The following UBE2O variants were observed in gnomAD, a reference collection of about 807,000 sequenced individuals.
UBE2O encodes the protein (E3-independent) E2 ubiquitin-conjugating enzyme.
Under a neutral mutation model 125.8 loss-of-function variants are expected in UBE2O, and 15 were observed. The ratio of observed to expected loss-of-function variants is 0.12; its 90% CI spans 0.08 to 0.18. The LOEUF is 0.18. Ranked by LOEUF, UBE2O falls within the 10% of genes least tolerant of loss-of-function variation. UBE2O has a pLI of 1.00. For missense variants in UBE2O, 1,280 were observed against 1,723.6 expected, an observed-to-expected ratio of 0.74 and a Z score of 4.56; for synonymous variants, 708 against 703.2, an observed-to-expected ratio of 1.01 and a Z score of -0.11.
At position 76,398,130 on chromosome 17, in the gene UBE2O, G is replaced by A; in HGVS notation, c.2025+125C>T. On this transcript the variant is annotated intron_variant, in intron 12 of 17. Coordinates refer to ENST00000319380, the MANE Select transcript of UBE2O (RefSeq NM_022066.4). The surrounding 1 kb of genome is among the most constrained non-coding windows in gnomAD (Gnocchi z 5.4). ...TTGACTCTGGGGCAGCTGCCCTTCT[G>A]AGGACACTGAGCCCAGAGGACTTTC... is the stretch of plus-strand genomic sequence containing the variant. The A allele has an allele frequency of 1.5e-6, 2 of 1,351,334 alleles. No homozygotes were observed. Among genetic ancestry groups the A allele is most frequent in the Non-Finnish European group, 1.0e-6 (1 of 968,206 alleles). The allele number at this position is 1,351,334 out of a possible 1,614,324, so 83.7% of individuals were successfully genotyped here.
chr17:76,408,848 A>C (rs1271762479), intron 1 of UBE2O, among the ~76,000 whole-genome samples: 2 of 152,190 alleles, frequency 1.3e-5, no homozygotes, highest in African/African-American at 4.8e-5. Context: ...CCCTGCTTGT[A>C]GTTTAAAAAA....
Position 76,391,390 on chromosome 17 carries a change from G to C in UBE2O, c.3432C>G (p.Ser1144=), listed in dbSNP as rs2143658461. ...GGWRLVNRIE[S]WLETHALLEK... is the part of the protein sequence containing the mutation. The stretch of plus-strand genomic sequence containing the variant: ...CCAGCAGGGCATGGGTTTCCAGCCA[G>C]GACTCGATACGGTTCACCAGCCGCC... The change falls in exon 18 of 18, where the codon TCC becomes TCG. Residue 1144 remains serine (S), a synonymous_variant. Transcript: ENST00000319380. The surrounding 1 kb of genome is among the most constrained non-coding windows in gnomAD (Gnocchi z 8.4). 1 of 1,613,454 alleles carries C rather than the reference G, an allele frequency of 6.2e-7. No individual in the cohort carries two copies. Among genetic ancestry groups the C allele is most frequent in the East Asian group, 2.2e-5 (1 of 44,876 alleles).
chr17:76,421,761 G>C (rs1417708950), intron 1 of UBE2O, among the ~76,000 whole-genome samples: 4 of 152,352 alleles, frequency 2.6e-5, no homozygotes, highest in Middle Eastern at 3.4e-3. Flanking sequence ...TGCTGGCTGA[G>C]AAGGGCTTGT....
Position 76,396,441 on chromosome 17 carries a change from C to G in UBE2O, c.2496G>C (p.Leu832=), listed in dbSNP as rs2143685021. The G allele has an allele frequency of 6.2e-7, 1 of 1,614,178 alleles. No homozygotes were observed. The highest frequency in any genetic ancestry group is 1.3e-5 in the African/African-American group (1 of 75,050). Reference sequence around the variant, plus strand: ...TCGGAGAGGTGGGCGAGCCCGTCAGCAGCTGCTCCACAGTCATGTTCTTGA... The same window carrying G: ...TCGGAGAGGTGGGCGAGCCCGTCAGGAGCTGCTCCACAGTCATGTTCTTGA... ...ESLKNMTVEQ[L]LTGSPTSPTV... The change falls in exon 14 of 18, where the codon CTG becomes CTC. Residue 832 remains leucine, a synonymous_variant. Transcript: ENST00000319380. This position sits in a 1 kb window ranked among gnomAD's most constrained non-coding sequence, Gnocchi z 6.7.
At position 76,399,786 on chromosome 17, in the gene UBE2O, T is replaced by C. The variant is rs769232737; in HGVS notation, c.1291A>G (p.Ser431Gly). 6.2e-7 allele frequency: 1 copy of C among 1,614,232 alleles called. No individual in the cohort carries two copies. Among genetic ancestry groups the C allele is most frequent in the Non-Finnish European group, 8.5e-7 (1 of 1,180,032 alleles). Residue 431 changes from serine (S) to glycine (G), a missense_variant, in exon 9 of 18, where the codon AGC becomes GGC. Transcript: ENST00000319380. The surrounding 1 kb of genome is among the most constrained non-coding windows in gnomAD (Gnocchi z 6.9). The part of the protein sequence containing the change: ...SKTKSEAESA[S>G]PEETPDGSAS... ...GAGCCATCGGGCGTCTCCTCAGGGC[T>C]GGCAGACTCCGCTTCGCTCTTGGTT...
chr17:76,421,918 G>A (rs2072718718), intron 1 of UBE2O, among the ~76,000 whole-genome samples: 1 of 152,186 alleles, frequency 6.6e-6, no homozygotes, highest in African/African-American at 2.4e-5. Context: ...CCACCAGACT[G>A]CATCTGAGGA....
Position 76,404,276 on chromosome 17 carries a change from G to A in UBE2O, c.588+930C>T, listed in dbSNP as rs2072379923. The stretch of plus-strand genomic sequence containing the variant: ...TGAGTTTATGGTGGAGAGACCTGGT[G>A]GACACCAACATGACCAGGGGTAAAA... On this transcript the variant is annotated intron_variant, in intron 3 of 17. Transcript: ENST00000319380. This position sits in a 1 kb window ranked among gnomAD's most constrained non-coding sequence, Gnocchi z 4.3. 6.6e-6 allele frequency among the ~76,000 whole-genome samples: 1 copy of A among 152,154 alleles called. No homozygotes were observed. Among genetic ancestry groups the A allele is most frequent in the African/African-American group, 2.4e-5 (1 of 41,426 alleles).
intron 1 of UBE2O, among the ~76,000 whole-genome samples, chr17:76,440,986 G>C (rs1598621560): frequency 6.6e-6 from 1 of 152,218 alleles, no homozygotes; most frequent in South Asian, 2.1e-4. Context: ...CGTGTAGTCA[G>C]TGAAGAGAAC....
chr17:76,395,651 C>T lies in UBE2O; in HGVS notation c.2946+74G>A, dbSNP rs2072194575. 2.6e-6 allele frequency: 4 copies of T among 1,537,386 alleles called. No individual in the cohort carries two copies. Among genetic ancestry groups the T allele is most frequent in the Admixed American group, 2.1e-5 (1 of 46,806 alleles). On this transcript the variant is annotated intron_variant, in intron 15 of 17. Coordinates refer to ENST00000319380, the MANE Select transcript of UBE2O (RefSeq NM_022066.4). This position sits in a 1 kb window ranked among gnomAD's most constrained non-coding sequence, Gnocchi z 5.0. ...CAGTCAGCCCCGGAGGTTTGGGGACCCAAGGTTGGTGGCCTCTTGGGCACT... is the reference window on the plus strand; with the variant it reads ...CAGTCAGCCCCGGAGGTTTGGGGACTCAAGGTTGGTGGCCTCTTGGGCACT...
intron 1 of UBE2O, among the ~76,000 whole-genome samples, chr17:76,415,257 G>A (rs777028346): frequency 1.5e-4 from 23 of 152,076 alleles, no homozygotes; most frequent in Non-Finnish European, 2.9e-4. Context: ...TGATCCTGAC[G>A]GAGCCTGCCA....
rs115350769 is a variant in UBE2O, at chr17:76,438,217, G to C, written c.417+14508C>G. 6.4e-3 allele frequency among the ~76,000 whole-genome samples: 968 copies of C among 152,294 alleles called. 7 individuals are homozygous for C. Among genetic ancestry groups the C allele is most frequent in the African/African-American group, 0.022 (925 of 41,542 alleles). ...GAGGAGTTATTATTTAATTGAGACAGAGTTTCAGTGGGGAATGATGAAAAG... is the reference window on the plus strand; with the variant it reads ...GAGGAGTTATTATTTAATTGAGACACAGTTTCAGTGGGGAATGATGAAAAG... On this transcript the variant is annotated intron_variant, in intron 1 of 17. Coordinates refer to ENST00000319380, the MANE Select transcript of UBE2O (RefSeq NM_022066.4).
chr17:76,400,086 A>G lies in UBE2O; in HGVS notation c.1155+61T>C. 6.3e-7 allele frequency: 1 copy of G among 1,576,618 alleles called. No individual in the cohort carries two copies. Among genetic ancestry groups the G allele is most frequent in the Non-Finnish European group, 8.6e-7 (1 of 1,159,772 alleles). ...AAAGCACAGACTGTCCTTCTTGGCC[A>G]TGGAAATGGCTCAAGGCCAGTTCCT... On this transcript the variant is annotated intron_variant, in intron 8 of 17. Transcript: ENST00000319380. This position sits in a 1 kb window ranked among gnomAD's most constrained non-coding sequence, Gnocchi z 4.3.
At chr17:76,436,689 C>T (rs967107895) in intron 1 of UBE2O, among the ~76,000 whole-genome samples, 1 of 152,198 alleles carries the variant, frequency 6.6e-6, no homozygotes, top group African/African-American at 2.4e-5. Context: ...AACTGCCTCT[C>T]TTTACAAAGC....
rs1467434483 is a variant in UBE2O, at chr17:76,400,003, G to C, written c.1156-82C>G. 6.5e-7 allele frequency: 1 copy of C among 1,529,492 alleles called. No individual in the cohort carries two copies. The highest frequency in any genetic ancestry group is 8.8e-7 in the Non-Finnish European group (1 of 1,132,276). 94.7% of individuals were successfully genotyped at this position (1,529,492 alleles called of 1,614,324 possible). A position where few individuals can be genotyped will look rare whatever the true frequency, so the allele number is the denominator to read the frequency against. On this transcript the variant is annotated intron_variant, in intron 8 of 17. Coordinates refer to ENST00000319380, the MANE Select transcript of UBE2O (RefSeq NM_022066.4). The surrounding 1 kb of genome is among the most constrained non-coding windows in gnomAD (Gnocchi z 4.3). The stretch of plus-strand genomic sequence containing the variant: ...CCTAGGCATCTCAGGCTGGGGGGAT[G>C]ACAGCTGTATACACCTGAGTAGCCG...
intron 1 of UBE2O, among the ~76,000 whole-genome samples, chr17:76,414,064 A>T (rs2072558835): frequency 6.6e-6 from 1 of 152,198 alleles, no homozygotes; most frequent in South Asian, 2.1e-4. Flanking sequence ...ATAACCCGGC[A>T]ATCAGCTCAC....
At chr17:76,423,725 T>TAAATAAATAAATAAATAAAAAAAA (rs1407680083) in intron 1 of UBE2O, among the ~76,000 whole-genome samples, 61 of 148,920 alleles carry the variant, frequency 4.1e-4, no homozygotes, top group African/African-American at 1.1e-3. Context: ...AATAAATAAA[T>TAAATAAATAAATAAATAAAAAAAA]AAAAAATAAG....
chr17:76,390,970 G>T lies in UBE2O; in HGVS notation c.3852C>A (p.Gly1284=), dbSNP rs1272564299. The change falls in exon 18 of 18, where the codon GGC becomes GGA. Residue 1284 remains glycine, a synonymous_variant. Coordinates refer to ENST00000319380, the MANE Select transcript of UBE2O (RefSeq NM_022066.4). ...TQFRAALLEA[G]MPECTEDK ...ACTTGTCCTCTGTGCACTCCGGCATGCCTGCCTCTAGCAGGGCAGCCCGGA... is the reference window on the plus strand; with the variant it reads ...ACTTGTCCTCTGTGCACTCCGGCATTCCTGCCTCTAGCAGGGCAGCCCGGA... 2 of 1,611,562 alleles carry T rather than the reference G, an allele frequency of 1.2e-6. No individual in the cohort carries two copies.
intron 1 of UBE2O, among the ~76,000 whole-genome samples, chr17:76,413,971 A>G (rs942789170): frequency 3.0e-4 from 46 of 152,214 alleles, no homozygotes; most frequent in Non-Finnish European, 4.8e-4. Context: ...ACTGGATTTG[A>G]GGATGTGAAT....
In UBE2O at chr17:76,391,658, CA is replaced by C; in HGVS notation, c.3209-46del. 1.9e-6 allele frequency: 3 copies of C among 1,600,716 alleles called. No individual in the cohort carries two copies. The highest frequency in any genetic ancestry group is 2.6e-6 in the Non-Finnish European group (3 of 1,171,590). On this transcript the variant is annotated intron_variant, in intron 17 of 17. Coordinates refer to ENST00000319380, the MANE Select transcript of UBE2O (RefSeq NM_022066.4). The surrounding 1 kb of genome is among the most constrained non-coding windows in gnomAD (Gnocchi z 8.4). ...TCCCTCAGTGGGTGAGAGAGGCCCA[CA>C]ATGCAGGCCTACCCTCCACCTGCCA... is the stretch of plus-strand genomic sequence containing the variant.
Sources: gnomAD v4.1 joint callset for allele counts (sites outside exome capture counted in the v4.1 genomes callset) on GRCh38, gnomAD v4.1.1 for gene constraint, Gnocchi (gnomAD v3.1) non-coding constraint, MANE v1.5 for transcripts, NCBI Gene and HGNC (gene_info 2026-07-23, HGNC 2026-07-21) for gene names.